CUBN: variants seen among roughly 807,000 people sequenced by gnomAD.
CUBN encodes cubilin.
Under a neutral mutation model 405.3 loss-of-function variants are expected in CUBN, and 282 were observed. That is an observed-to-expected ratio of 0.70 (90% confidence interval 0.63 to 0.77). CUBN has a LOEUF of 0.77. CUBN is among the 30% of genes least tolerant of loss of function. CUBN has a pLI of 0.00. For missense variants in CUBN, 4,514 were observed against 4,475.2 expected (o/e 1.01, Z -0.25); for synonymous variants, 1,684 against 1,617.0 (o/e 1.04, Z -0.99).
chr10:17,106,421 G>C (rs1836631539), intron 10 of CUBN, among the ~76,000 whole-genome samples: 1 of 151,626 alleles, frequency 6.6e-6, no homozygotes, highest in South Asian at 2.1e-4. Flanking sequence ...GGCCAAGATG[G>C]TTAAGCCCTG....
intron 28 of CUBN, among the ~76,000 whole-genome samples, chr10:17,004,298 T>C (rs1833960995): frequency 6.6e-6 from 1 of 152,248 alleles, no homozygotes; most frequent in South Asian, 2.1e-4. Context: ...TTCTTTCATA[T>C]GCCTAAAAAT....
intron 66 of CUBN, among the ~76,000 whole-genome samples, chr10:16,825,563 T>C (rs949730153): frequency 4.6e-5 from 7 of 152,030 alleles, no homozygotes; most frequent in African/African-American, 1.7e-4. Flanking sequence ...TAAAATATAG[T>C]ATTTTCATCC....
Position 16,930,471 on chromosome 10 carries a change from A to G in CUBN, c.6125-2168T>C, listed in dbSNP as rs570782828. Among the ~76,000 whole-genome samples the G allele has an allele frequency of 3.7e-4, 57 of 152,340 alleles. 6 individuals carry two copies. The South Asian group carries it at 6.6e-3, about 18-fold the overall frequency. Reference sequence around the variant, plus strand: ...GCAGATTAACCTCAGATGCCCCAAAACCATGCTATTAAATGATTTATCTAA... The same window carrying G: ...GCAGATTAACCTCAGATGCCCCAAAGCCATGCTATTAAATGATTTATCTAA... On this transcript the variant is annotated intron_variant, in intron 40 of 66. Transcript: ENST00000377833.
At position 16,901,321 on chromosome 10, in the gene CUBN, C is replaced by A. The variant is rs774874290; in HGVS notation, c.8184+17G>T. 6.2e-7 allele frequency: 1 copy of A among 1,614,056 alleles called. No individual in the cohort carries two copies. Among genetic ancestry groups the A allele is most frequent in the South Asian group, 1.1e-5 (1 of 91,084 alleles). ...TCTATTGTCTCAGAAGCATTTCACCCAGTCATTAGCACTCACAGTGATGGT... is the reference window on the plus strand; with the variant it reads ...TCTATTGTCTCAGAAGCATTTCACCAAGTCATTAGCACTCACAGTGATGGT... On this transcript the variant is annotated intron_variant, in intron 52 of 66. Coordinates refer to ENST00000377833, the MANE Select transcript of CUBN (RefSeq NM_001081.4).
intron 14 of CUBN, among the ~76,000 whole-genome samples, chr10:17,099,330 A>G (rs1456660499): frequency 6.6e-6 from 1 of 152,196 alleles, no homozygotes; most frequent in Non-Finnish European, 1.5e-5. Flanking sequence ...ACAAAAAGAA[A>G]AAATTATTGA....
intron 9 of CUBN, among the ~76,000 whole-genome samples, chr10:17,110,499 T>G (rs1836746580): frequency 6.6e-6 from 1 of 152,234 alleles, no homozygotes. Flanking sequence ...CTTTCTGTAC[T>G]ATTTCCTCTC....
chr10:16,919,203 T>C (rs1484792007), intron 44 of CUBN, among the ~76,000 whole-genome samples: 4 of 152,236 alleles, frequency 2.6e-5, no homozygotes, highest in African/African-American at 9.6e-5. Context: ...TTGGGACTAA[T>C]GGAGCGTCCC....
At chr10:16,883,995 T>C (rs1840735913) in intron 56 of CUBN, among the ~76,000 whole-genome samples, 4 of 152,250 alleles carry the variant, frequency 2.6e-5, no homozygotes, top group Admixed American at 2.6e-4. Context: ...ATTTATTTAT[T>C]TTGAGACAGA....
chr10:17,012,815 A>T (rs1243908209), intron 28 of CUBN, among the ~76,000 whole-genome samples: 1 of 152,242 alleles, frequency 6.6e-6, no homozygotes, highest in Non-Finnish European at 1.5e-5. Flanking sequence ...CTCTGCTTCC[A>T]TAAGAGTTTC....
intron 40 of CUBN, among the ~76,000 whole-genome samples, chr10:16,929,300 T>C (rs946615903): frequency 8.5e-5 from 13 of 152,088 alleles, no homozygotes; most frequent in African/African-American, 2.9e-4. Flanking sequence ...GATATAAGCT[T>C]TGATCAAAGC....
At position 16,920,134 on chromosome 10, in the gene CUBN, C is replaced by T; in HGVS notation, c.6650G>A (p.Cys2217Tyr). 6.2e-7 allele frequency: 1 copy of T among 1,613,918 alleles called. No homozygotes were observed. The highest frequency in any genetic ancestry group is 8.5e-7 in the Non-Finnish European group (1 of 1,179,924). Residue 2217 changes from cysteine (C) to tyrosine (Y), a missense_variant, in exon 44 of 67, where the codon TGT (cysteine) becomes TAT (tyrosine). Physicochemically the swap from Cys to Tyr is radical, Grantham distance 194. Around this residue, in one of 5 missense-constraint regions of CUBN, gnomAD observed 1,613 missense variants for 1,542.8 expected, o/e 1.05. Transcript: ENST00000377833. ...KIKYEAKSLACGGNVYIHDAD... is the reference protein window; with the variant it reads ...KIKYEAKSLAYGGNVYIHDAD... ...ATCATGGATGTAGACGTTGCCCCCA[C>T]AGGCTGTGAGCAAACACACTTAAAT...
chr10:16,859,852 A>G (rs1839966527), intron 59 of CUBN, among the ~76,000 whole-genome samples: 1 of 152,208 alleles, frequency 6.6e-6, no homozygotes, highest in South Asian at 2.1e-4. Context: ...TGTTTTGTGT[A>G]CCTATTATGT....
At chr10:16,873,749 A>G (rs1337018599) in intron 58 of CUBN, among the ~76,000 whole-genome samples, 1 of 151,948 alleles carries the variant, frequency 6.6e-6, no homozygotes, top group Non-Finnish European at 1.5e-5. Context: ...AAAAGAAAAA[A>G]GAAAATGTAT....
At chr10:16,839,512 T>G (rs1356536178) in intron 62 of CUBN, among the ~76,000 whole-genome samples, 2 of 141,392 alleles carry the variant, frequency 1.4e-5, no homozygotes, top group Admixed American at 1.5e-4. Context: ...AAAACCACAA[T>G]GAGATACCAT....
intron 27 of CUBN, among the ~76,000 whole-genome samples, chr10:17,028,261 T>G (rs917907563): frequency 7.2e-6 from 1 of 138,136 alleles, no homozygotes; most frequent in Non-Finnish European, 1.6e-5. Flanking sequence ...TTATTATTAT[T>G]ATGCCTCTTA....
At chr10:16,950,145 T>C (rs778756480) in intron 33 of CUBN, 34 bp from the exon 34 acceptor site, 2 of 1,486,888 alleles carry the variant, frequency 1.3e-6, no homozygotes, top group Non-Finnish European at 1.9e-6. Context: ...TCTCGTAAAG[T>C]ACTGGCAAAT....
intron 33 of CUBN, among the ~76,000 whole-genome samples, chr10:16,950,630 G>T (rs778599891): frequency 6.6e-6 from 1 of 152,186 alleles, no homozygotes; most frequent in Non-Finnish European, 1.5e-5. Flanking sequence ...ATCCTAGATG[G>T]TTTCCTTTGA....
At chr10:16,854,048 C>T (rs898348385) in intron 59 of CUBN, among the ~76,000 whole-genome samples, 14 of 152,102 alleles carry the variant, frequency 9.2e-5, no homozygotes, top group Non-Finnish European at 1.6e-4. Context: ...GAGGCAGAAA[C>T]GTCTTACAGT....
chr10:16,967,150 AT>A (rs1178453901), intron 31 of CUBN, among the ~76,000 whole-genome samples: 1 of 152,076 alleles, frequency 6.6e-6, no homozygotes, highest in East Asian at 1.9e-4. Context: ...TTTGTCAGTG[AT>A]TTTTTTCCAG....
Sources: gnomAD v4.1 joint callset for allele counts (sites outside exome capture counted in the v4.1 genomes callset) on GRCh38, gnomAD v4.1.1 for gene constraint, gnomAD v4.1.1 regional missense constraint, MANE v1.5 for transcripts, NCBI Gene and HGNC (gene_info 2026-07-23, HGNC 2026-07-21) for gene names.